EPB41L2: variants seen among roughly 807,000 people sequenced by gnomAD.
EPB41L2 encodes the protein band 4.1-like protein 2.
In EPB41L2, 43 loss-of-function variants were observed where a neutral mutation model predicts 113.0. That is an observed-to-expected ratio of 0.38 (90% CI 0.30 to 0.49). The LOEUF (loss-of-function observed/expected upper bound fraction) is 0.49. Ranked by LOEUF, EPB41L2 falls within the 20% of genes least tolerant of loss-of-function variation. EPB41L2 has a pLI of 0.95. For synonymous variants in EPB41L2, 442 were observed against 436.7 expected, an observed-to-expected ratio of 1.01 and a Z score of -0.15; for missense variants, 1,147 against 1,223.4, an observed-to-expected ratio of 0.94 and a Z score of 0.93.
At chr6:131,004,185 C>A (rs557236436) in intron 1 of EPB41L2, among the ~76,000 whole-genome samples, 1 of 152,116 alleles carries the variant, frequency 6.6e-6, no homozygotes, top group East Asian at 1.9e-4. Flanking sequence ...TTTTGAGTCA[C>A]CAGCTTGAAA....
At chr6:130,918,292 C>A (rs952294399) in intron 4 of EPB41L2, among the ~76,000 whole-genome samples, 3 of 152,102 alleles carry the variant, frequency 2.0e-5, no homozygotes, top group African/African-American at 7.2e-5. Context: ...CCGTGAATAT[C>A]AACTACATTT....
At chr6:130,993,876 C>G (rs1346311644) in intron 1 of EPB41L2, among the ~76,000 whole-genome samples, 1 of 152,158 alleles carries the variant, frequency 6.6e-6, no homozygotes, top group African/African-American at 2.4e-5. Context: ...CAGGGTTACC[C>G]TTGGCTCGGA....
chr6:130,873,219 CA>C (rs1416551651), intron 14 of EPB41L2, among the ~76,000 whole-genome samples: 1 of 152,128 alleles, frequency 6.6e-6, no homozygotes, highest in Non-Finnish European at 1.5e-5. Flanking sequence ...AAAAACAATT[CA>C]AAATAGGAAG....
chr6:130,855,830 T>C (rs983953316), intron 19 of EPB41L2, among the ~76,000 whole-genome samples: 1 of 146,338 alleles, frequency 6.8e-6, no homozygotes, highest in Non-Finnish European at 1.5e-5. Flanking sequence ...AATTTGTATG[T>C]AACAGGAAGA....
Position 130,869,953 on chromosome 6 carries a change from A to T in EPB41L2, c.2217T>A (p.Ser739=), listed in dbSNP as rs766624632. The change falls in exon 15 of 20, where the codon TCT becomes TCA. Residue 739 remains serine, a synonymous_variant. Coordinates refer to ENST00000337057, the MANE Select transcript of EPB41L2 (RefSeq NM_001431.4). Reference sequence around the variant, plus strand: ...TCTCACTGCTGCTGCTGCTGCTCTCAGAAGACAGGGAGGTGGAGTCTTTTT... The same window carrying T: ...TCTCACTGCTGCTGCTGCTGCTCTCTGAAGACAGGGAGGTGGAGTCTTTTT... ...VTQKDSTSLS[S]ESSSSSSESE... is the part of the protein sequence containing the mutation. The T allele has an allele frequency of 1.9e-6, 3 of 1,613,440 alleles. No homozygotes were observed. The highest frequency in any genetic ancestry group is 2.5e-6 in the Non-Finnish European group (3 of 1,179,996).
intron 1 of EPB41L2, among the ~76,000 whole-genome samples, chr6:131,023,758 TATATAGATATATAG>T (rs1562754150): frequency 3.1e-4 from 20 of 63,904 alleles, no homozygotes; most frequent in African/African-American, 1.2e-3. Flanking sequence ...TATATATAGA[TATATAGATATATAG>T]ATATATAGAT....
intron 1 of EPB41L2, among the ~76,000 whole-genome samples, chr6:131,046,086 T>A (rs2066516512): frequency 6.7e-6 from 1 of 150,154 alleles, no homozygotes; most frequent in South Asian, 2.1e-4. Flanking sequence ...TAATTTTTTT[T>A]TTTTTTTTTT....
At chr6:130,908,919 C>G (rs1022960206) in intron 4 of EPB41L2, 56 bp from the exon 5 acceptor site, 1 of 1,316,558 alleles carries the variant, frequency 7.6e-7, no homozygotes, top group Non-Finnish European at 1.1e-6. Flanking sequence ...TAAAATAGAA[C>G]AGTTTACAGT....
intron 1 of EPB41L2, among the ~76,000 whole-genome samples, chr6:131,028,108 T>C (rs1056180862): frequency 1.3e-5 from 2 of 152,214 alleles, no homozygotes; most frequent in African/African-American, 4.8e-5. Context: ...AGTAAAAAGA[T>C]GATGTCAATT....
chr6:130,880,527 A>G, intron 12 of EPB41L2: 1 of 623,330 alleles, frequency 1.6e-6, no homozygotes, highest in Non-Finnish European at 2.8e-6. Flanking sequence ...AAAGAAGGGG[A>G]GTATTAGTGG....
chr6:130,940,058 T>C (rs1481661733), intron 3 of EPB41L2, among the ~76,000 whole-genome samples: 2 of 152,204 alleles, frequency 1.3e-5, no homozygotes, highest in Non-Finnish European at 2.9e-5. Context: ...ATAAGCAGAC[T>C]GAAAAAGGAT....
In EPB41L2 at chr6:130,992,963, C is replaced by G. The variant is rs770183271; in HGVS notation, c.-14-36464G>C. The stretch of plus-strand genomic sequence containing the variant: ...TAGTATCAGTCTGTCTTACTGTGAA[C>G]TCAGCAGCTCAGTCTTCTTACTCAC... On this transcript the variant is annotated intron_variant, in intron 1 of 19. Transcript: ENST00000337057. 2.0e-4 allele frequency among the ~76,000 whole-genome samples: 30 copies of G among 152,138 alleles called. 1 individual carries two copies. Among genetic ancestry groups the G allele is most frequent in the Non-Finnish European group, 4.3e-4 (29 of 68,018 alleles).
At chr6:130,955,932 C>G (rs560305822) in intron 2 of EPB41L2, 62 bp downstream of exon 2, 3 of 1,541,964 alleles carry the variant, frequency 1.9e-6, no homozygotes, top group African/African-American at 2.8e-5. Flanking sequence ...ACAAACAAAC[C>G]CTTTTTATTA....
chr6:131,021,719 T>C lies in EPB41L2; in HGVS notation c.-15+41436A>G, dbSNP rs1440183670. The stretch of plus-strand genomic sequence containing the variant: ...CAAGAGCATTAGCTAACACTTCCCA[T>C]GCACCATTCTGTTGTATATACTAAT... On this transcript the variant is annotated intron_variant, in intron 1 of 19. Transcript: ENST00000337057. Among the ~76,000 whole-genome samples, 3 of 152,032 alleles carry C rather than the reference T, an allele frequency of 2.0e-5. No individual in the cohort carries two copies. The South Asian group carries it at 6.2e-4, about 32-fold the overall frequency.
Position 130,895,129 on chromosome 6 carries a change from A to AT in EPB41L2, c.1237-11dup. On this transcript the variant is annotated splice_polypyrimidine_tract_variant and intron_variant, in intron 8 of 19. Coordinates refer to ENST00000337057, the MANE Select transcript of EPB41L2 (RefSeq NM_001431.4). ...CCACACCTTCTGAGTCCTGCCAAGC[A>AT]TAACCCAATTAACCATGGTTAAGAG... is the stretch of plus-strand genomic sequence containing the variant. 6.2e-7 allele frequency: 1 copy of AT among 1,600,872 alleles called. No individual in the cohort carries two copies. The highest frequency in any genetic ancestry group is 1.1e-5 in the South Asian group (1 of 88,702).
intron 10 of EPB41L2, among the ~76,000 whole-genome samples, chr6:130,892,402 G>GTTTTTTTTTTTTTTTT (rs1793188588): frequency 2.4e-4 from 13 of 53,356 alleles, no homozygotes; most frequent in Non-Finnish European, 4.1e-4. Context: ...ACAGATTATT[G>GTTTTTTTTTTTTTTTT]CTTTTTTTTT....
intron 15 of EPB41L2, 119 bp from the exon 16 acceptor site, chr6:130,867,700 AAAGAGT>A (rs769005103): frequency 1.3e-5 from 17 of 1,319,318 alleles, no homozygotes; most frequent in Non-Finnish European, 1.7e-5. Context: ...GCACAAAAGA[AAAGAGT>A]AAAAGCAAAC....
chr6:130,858,307 AAC>A (rs142817139), intron 18 of EPB41L2, 64 bp from the exon 19 acceptor site: 563 of 1,261,030 alleles, frequency 4.5e-4, no homozygotes, highest in Middle Eastern at 7.7e-4. Context: ...ACAATGGCAA[AAC>A]ACACACACAC....
chr6:130,914,936 T>A (rs886572988), intron 4 of EPB41L2, among the ~76,000 whole-genome samples: 2 of 152,142 alleles, frequency 1.3e-5, no homozygotes, highest in Middle Eastern at 3.2e-3. Flanking sequence ...ATAATAAAAG[T>A]TATAAGGAAT....
Sources: gnomAD v4.1 joint callset for allele counts (sites outside exome capture counted in the v4.1 genomes callset) on GRCh38, gnomAD v4.1.1 for gene constraint, MANE v1.5 for transcripts, NCBI Gene and HGNC (gene_info 2026-07-23, HGNC 2026-07-21) for gene names.